SRGAP3: variants seen among roughly 807,000 people sequenced by gnomAD.
SRGAP3 encodes SLIT-ROBO Rho GTPase activating protein 3, also known as SLIT-ROBO Rho GTPase-activating protein 3.
SRGAP3 carries 39 observed loss-of-function variants against 121.1 expected under a neutral mutation model. The observed-to-expected ratio is 0.32, with a 90% CI of 0.25 to 0.42. The LOEUF is 0.42. Ranked by LOEUF, SRGAP3 falls within the 10% of genes least tolerant of loss-of-function variation. The pLI, the probability that SRGAP3 is intolerant of heterozygous loss-of-function variation, is 1.00. For missense variants in SRGAP3, 1,213 were observed against 1,470.6 expected (o/e 0.82, Z 2.86); for synonymous variants, 601 against 570.0 (o/e 1.05, Z -0.77).
At chr3:9,025,411 T>G in intron 13 of SRGAP3, 73 bp from the exon 14 acceptor site, 1 of 1,439,246 alleles carries the variant, frequency 6.9e-7, no homozygotes, top group East Asian at 2.3e-5. Flanking sequence ...ACCGGGAATA[T>G]CAGTGACTCT....
chr3:9,142,656 C>T lies in SRGAP3; in HGVS notation c.68-17739G>A, dbSNP rs536062224. ...GCTCTGGCAATAATTCTTTGTGAGA[C>T]GTGGGGCAAGTCTCTTCACTACTCT... is the stretch of plus-strand genomic sequence containing the variant. On this transcript the variant is annotated intron_variant, in intron 1 of 21. Coordinates refer to ENST00000383836, the MANE Select transcript of SRGAP3 (RefSeq NM_014850.4). Among the ~76,000 whole-genome samples the T allele has an allele frequency of 1.3e-3, 205 of 152,114 alleles. 1 individual carries two copies. Among genetic ancestry groups the T allele is most frequent in the African/African-American group, 4.6e-3 (192 of 41,508 alleles).
At chr3:9,181,711 C>A (rs1951408939) in intron 1 of SRGAP3, among the ~76,000 whole-genome samples, 4 of 152,128 alleles carry the variant, frequency 2.6e-5, no homozygotes, top group Admixed American at 2.6e-4. Flanking sequence ...CTGGCTCCAG[C>A]CAGAGAAAGT....
chr3:9,160,917 A>T (rs965705948), intron 1 of SRGAP3, among the ~76,000 whole-genome samples: 2 of 152,236 alleles, frequency 1.3e-5, no homozygotes, highest in Non-Finnish European at 2.9e-5. Flanking sequence ...AAACCATTGA[A>T]TAAAATAGAA....
intron 1 of SRGAP3, among the ~76,000 whole-genome samples, chr3:9,209,998 T>C (rs188539413): frequency 2.0e-5 from 3 of 152,080 alleles, no homozygotes; most frequent in African/African-American, 4.8e-5. Context: ...TGTTACCACA[T>C]AGATGAACTT....
rs527492787 is a variant in SRGAP3, at chr3:9,135,974, G to T, written c.68-11057C>A. Among the ~76,000 whole-genome samples, 27 of 152,370 alleles carry T rather than the reference G, an allele frequency of 1.8e-4. 1 individual carries two copies. In the East Asian group the frequency reaches 5.2e-3, roughly 29 times the overall value. ...TGCCTGGGGCACTGCAGGGACGCAA[G>T]AAATGAGCCATGGCGGCTGCTGTAG... On this transcript the variant is annotated intron_variant, in intron 1 of 21. Transcript: ENST00000383836.
intron 3 of SRGAP3, among the ~76,000 whole-genome samples, chr3:9,316,805 C>G (rs1330556932): frequency 6.6e-6 from 1 of 152,070 alleles, no homozygotes; most frequent in Admixed American, 6.6e-5. Flanking sequence ...TAAAGAAATA[C>G]TTGATTTGAT....
At chr3:9,066,676 T>G (rs1946449714) in intron 4 of SRGAP3, among the ~76,000 whole-genome samples, 2 of 152,118 alleles carry the variant, frequency 1.3e-5, no homozygotes, top group South Asian at 4.1e-4. Context: ...ATGTTTATAT[T>G]TTAGTAGAGA....
intron 1 of SRGAP3, among the ~76,000 whole-genome samples, chr3:9,144,491 T>C (rs980591507): frequency 6.6e-6 from 1 of 152,216 alleles, no homozygotes; most frequent in African/African-American, 2.4e-5. Context: ...TCAACTTAGA[T>C]TGTATCTCCC....
In SRGAP3 at chr3:9,047,376, C is replaced by T. The variant is rs758512166; in HGVS notation, c.1408+15G>A. ...AACGCAGCACCTCCCAGAGGGCCTCCACCAGCCCACTCACCTTCGCCCAGG... is the reference window on the plus strand; with the variant it reads ...AACGCAGCACCTCCCAGAGGGCCTCTACCAGCCCACTCACCTTCGCCCAGG... On this transcript the variant is annotated intron_variant, in intron 10 of 21. Transcript: ENST00000383836. The T allele has an allele frequency of 1.4e-5, 22 of 1,613,610 alleles. No individual in the cohort carries two copies. In the East Asian group the frequency reaches 4.9e-4, roughly 36 times the overall value.
intron 10 of SRGAP3, among the ~76,000 whole-genome samples, chr3:9,044,002 T>C (rs1414601914): frequency 6.6e-6 from 1 of 152,204 alleles, no homozygotes; most frequent in African/African-American, 2.4e-5. Context: ...TAAAATGGCA[T>C]AGCAACAGCC....
chr3:9,350,109 T>C (rs897530473), intron 1 of SRGAP3: 2 of 152,234 alleles, frequency 1.3e-5, no homozygotes, highest in Non-Finnish European at 2.9e-5. Context: ...TCATTTATTA[T>C]AGTCCTGAGT....
chr3:9,019,147 G>A (rs758080656), intron 14 of SRGAP3, among the ~76,000 whole-genome samples: 8 of 152,114 alleles, frequency 5.3e-5, no homozygotes, highest in Non-Finnish European at 1.0e-4. Context: ...CCACTATTTT[G>A]TTATTATAAA....
intron 1 of SRGAP3, among the ~76,000 whole-genome samples, chr3:9,180,844 C>T (rs1951371451): frequency 6.6e-6 from 1 of 152,068 alleles, no homozygotes; most frequent in Non-Finnish European, 1.5e-5. Context: ...CAAATGCCAG[C>T]GAGTCTCTCC....
At position 9,047,448 on chromosome 3, in the gene SRGAP3, T is replaced by A. The variant is rs1339610203; in HGVS notation, c.1351A>T (p.Asn451Tyr). ...TTGGCCTGCAGCTTGGTGATGAGGTTACTGCCATTCACATACTCTTTAAAT... is the reference window on the plus strand; with the variant it reads ...TTGGCCTGCAGCTTGGTGATGAGGTAACTGCCATTCACATACTCTTTAAAT... ...TKFKEYVNGS[N>Y]LITKLQAKHD... Residue 451 changes from asparagine to tyrosine, a missense_variant, in exon 10 of 22, where the codon AAC becomes TAC. By Grantham distance (143) the Asn-to-Tyr change is moderately radical (BLOSUM62 -2). Coordinates refer to ENST00000383836, the MANE Select transcript of SRGAP3 (RefSeq NM_014850.4). 1 of 1,614,216 alleles carries A rather than the reference T, an allele frequency of 6.2e-7. No individual in the cohort carries two copies. Among genetic ancestry groups the A allele is most frequent in the Non-Finnish European group, 8.5e-7 (1 of 1,180,038 alleles).
chr3:9,219,506 A>T (rs529838911), intron 1 of SRGAP3: 1 of 152,198 alleles, frequency 6.6e-6, no homozygotes, highest in Non-Finnish European at 1.5e-5. Context: ...GAGGAAGCAG[A>T]AGATCAAGAA....
intron 3 of SRGAP3, among the ~76,000 whole-genome samples, chr3:9,301,873 C>T (rs751999890): frequency 6.6e-6 from 1 of 152,212 alleles, no homozygotes; most frequent in Non-Finnish European, 1.5e-5. Flanking sequence ...ATGGAAATCA[C>T]AGGTTTCGCA....
chr3:9,232,188 G>C (rs750551210), intron 1 of SRGAP3, among the ~76,000 whole-genome samples: 33 of 152,170 alleles, frequency 2.2e-4, no homozygotes, highest in Non-Finnish European at 3.5e-4. Flanking sequence ...AATTTAAATA[G>C]CTCTTGCAGG....
chr3:9,302,284 G>T (rs990832442), intron 3 of SRGAP3, among the ~76,000 whole-genome samples: 1 of 152,142 alleles, frequency 6.6e-6, no homozygotes, highest in African/African-American at 2.4e-5. Context: ...AGCTAGAGAC[G>T]AATGAGAAAC....
chr3:9,296,666 T>A (rs1954958919), intron 3 of SRGAP3, among the ~76,000 whole-genome samples: 1 of 152,204 alleles, frequency 6.6e-6, no homozygotes, highest in South Asian at 2.1e-4. Flanking sequence ...GCAGAATGAA[T>A]TTGGGCAGGT....
Sources: allele counts gnomAD v4.1 joint callset (sites outside exome capture counted in the v4.1 genomes callset), GRCh38; gene constraint gnomAD v4.1.1; transcripts MANE v1.5; gene names NCBI Gene and HGNC (gene_info 2026-07-23, HGNC 2026-07-21).